EPHB1: variants seen among roughly 807,000 people sequenced by gnomAD.
The protein encoded by EPHB1 is EPH receptor B1.
In EPHB1, 30 loss-of-function variants were observed where a neutral mutation model predicts 94.4. The observed-to-expected ratio is 0.32, with a 90% confidence interval of 0.24 to 0.43. The LOEUF is 0.43. EPHB1 is among the 20% of genes least tolerant of loss of function. The pLI, the probability that EPHB1 is intolerant of heterozygous loss-of-function variation, is 1.00. For missense variants in EPHB1, 1,055 were observed against 1,308.3 expected, an observed-to-expected ratio of 0.81 and a Z score of 2.99; for synonymous variants, 522 against 489.1, an observed-to-expected ratio of 1.07 and a Z score of -0.89.
chr3:134,961,800 A>C (rs970567825), intron 3 of EPHB1, among the ~76,000 whole-genome samples: 1 of 152,178 alleles, frequency 6.6e-6, no homozygotes, highest in East Asian at 1.9e-4. Flanking sequence ...TTGGTCATTT[A>C]TATACATTTA....
chr3:134,958,292 T>C (rs1578230511), intron 3 of EPHB1, among the ~76,000 whole-genome samples: 1 of 152,224 alleles, frequency 6.6e-6, no homozygotes, highest in East Asian at 1.9e-4. Context: ...ATTTAGCTCT[T>C]CTTGGAAAAA....
chr3:135,124,317 C>T (rs751061073), intron 4 of EPHB1, among the ~76,000 whole-genome samples: 1 of 151,736 alleles, frequency 6.6e-6, no homozygotes, highest in Non-Finnish European at 1.5e-5. Flanking sequence ...CTCCCCTCCT[C>T]CTTCTCTGTG....
chr3:134,831,869 T>C (rs2036587603), intron 1 of EPHB1, among the ~76,000 whole-genome samples: 1 of 152,222 alleles, frequency 6.6e-6, no homozygotes, highest in South Asian at 2.1e-4. Flanking sequence ...CTGAACCTGT[T>C]TGGATATTTC....
At chr3:134,975,025 C>T (rs1263625050) in intron 3 of EPHB1, among the ~76,000 whole-genome samples, 1 of 152,184 alleles carries the variant, frequency 6.6e-6, no homozygotes, top group Non-Finnish European at 1.5e-5. Flanking sequence ...CTCCTTGCTT[C>T]TCTGACCTCC....
In EPHB1 at chr3:135,140,196, A is replaced by G. The variant is rs115304752; in HGVS notation, c.1297+7147A>G. On this transcript the variant is annotated intron_variant, in intron 5 of 15. Transcript: ENST00000398015. ...GAGGGGACACCAGTTGGATTATTAGATAGTTGCTGTTCACCTTGTGAGCTA... is the reference window on the plus strand; with the variant it reads ...GAGGGGACACCAGTTGGATTATTAGGTAGTTGCTGTTCACCTTGTGAGCTA... Among the ~76,000 whole-genome samples, 1,296 of 152,230 alleles carry G rather than the reference A, an allele frequency of 8.5e-3. 16 individuals are homozygous for G. Among genetic ancestry groups the G allele is most frequent in the African/African-American group, 0.029 (1,211 of 41,520 alleles).
At position 135,076,234 on chromosome 3, in the gene EPHB1, GAT is replaced by G. The variant is rs60727518; in HGVS notation, c.806-30188_806-30187del. On this transcript the variant is annotated intron_variant, in intron 3 of 15. Coordinates refer to ENST00000398015, the MANE Select transcript of EPHB1 (RefSeq NM_004441.5). ...TTTGTATATCATTTATCTGAAAAGGGATATATATATATATATATATATATATA... is the reference window on the plus strand; with the variant it reads ...TTTGTATATCATTTATCTGAAAAGGGATATATATATATATATATATATATA... 1.8e-3 allele frequency among the ~76,000 whole-genome samples: 232 copies of G among 131,170 alleles called. 1 individual carries two copies. Among genetic ancestry groups the G allele is most frequent in the South Asian group, 0.014 (60 of 4,226 alleles). 86.1% of individuals were successfully genotyped at this position (131,170 alleles called of 152,430 possible).
At chr3:134,998,493 A>G (rs891200185) in intron 3 of EPHB1, among the ~76,000 whole-genome samples, 2 of 152,202 alleles carry the variant, frequency 1.3e-5, no homozygotes, top group Admixed American at 6.5e-5. Context: ...ATGAGCATGT[A>G]CTAAGTCTGG....
At chr3:135,034,857 C>T (rs1936592957) in intron 3 of EPHB1, among the ~76,000 whole-genome samples, 1 of 152,154 alleles carries the variant, frequency 6.6e-6, no homozygotes, top group Admixed American at 6.5e-5. Flanking sequence ...GGTGTAGACC[C>T]TACAGGATAG....
At chr3:134,977,694 C>T (rs1414874116) in intron 3 of EPHB1, among the ~76,000 whole-genome samples, 1 of 152,138 alleles carries the variant, frequency 6.6e-6, no homozygotes, top group East Asian at 1.9e-4. Context: ...CCTCAACATC[C>T]TCCCCTCTGC....
At chr3:135,007,612 G>A (rs1935471854) in intron 3 of EPHB1, among the ~76,000 whole-genome samples, 1 of 152,164 alleles carries the variant, frequency 6.6e-6, no homozygotes, top group Non-Finnish European at 1.5e-5. Context: ...GGCAGGAAGT[G>A]CATATTCACC....
At chr3:135,247,469 C>CACTT (rs1216488397) in intron 13 of EPHB1, among the ~76,000 whole-genome samples, 2 of 152,108 alleles carry the variant, frequency 1.3e-5, no homozygotes, top group Non-Finnish European at 2.9e-5. Flanking sequence ...GCACTTGCGT[C>CACTT]ACTTACAATT....
intron 15 of EPHB1, among the ~76,000 whole-genome samples, chr3:135,255,355 G>T (rs1293467286): frequency 2.7e-5 from 4 of 150,588 alleles, no homozygotes; most frequent in Middle Eastern, 3.4e-3. Flanking sequence ...TGGGCATTTA[G>T]TGCTATAAAT....
intron 1 of EPHB1, among the ~76,000 whole-genome samples, chr3:134,880,993 C>T (rs1242638313): frequency 1.3e-5 from 2 of 152,142 alleles, no homozygotes; most frequent in Non-Finnish European, 2.9e-5. Flanking sequence ...ACTGGAGCGG[C>T]ACCATTTCCA....
At chr3:135,058,359 C>T (rs1937402213) in intron 3 of EPHB1, among the ~76,000 whole-genome samples, 1 of 152,210 alleles carries the variant, frequency 6.6e-6, no homozygotes, top group South Asian at 2.1e-4. Flanking sequence ...CCCACCTCTC[C>T]TCTCCTGTCC....
chr3:134,954,712 G>A (rs140891133), intron 3 of EPHB1, among the ~76,000 whole-genome samples: 309 of 152,278 alleles, frequency 2.0e-3, no homozygotes, highest in African/African-American at 6.7e-3. Flanking sequence ...TAATCTCTCC[G>A]CTTCTGGTTC....
At chr3:135,154,125 C>T (rs1941282312) in intron 5 of EPHB1, 27 bp from the exon 6 acceptor site, 2 of 1,613,552 alleles carry the variant, frequency 1.2e-6, no homozygotes, top group Non-Finnish European at 1.7e-6. Context: ...GTCTGTTCAG[C>T]TACCCTGTTT....
intron 3 of EPHB1, among the ~76,000 whole-genome samples, chr3:135,064,020 A>T (rs56005905): frequency 0.037 from 5,688 of 152,242 alleles, 158 homozygotes; most frequent in East Asian, 0.14. Context: ...ATGTTAAACC[A>T]TCCCTATGTC....
At chr3:135,085,009 A>C (rs1183493816) in intron 3 of EPHB1, among the ~76,000 whole-genome samples, 1 of 152,280 alleles carries the variant, frequency 6.6e-6, no homozygotes, top group Non-Finnish European at 1.5e-5. Flanking sequence ...CTTGCCCGCA[A>C]CCTCACAGGT....
chr3:134,846,404 T>TGCCTTTGCGATACCTTCCAA (rs2036872742), intron 1 of EPHB1, among the ~76,000 whole-genome samples: 1 of 152,212 alleles, frequency 6.6e-6, no homozygotes, highest in South Asian at 2.1e-4. Flanking sequence ...CCCATAATGC[T>TGCCTTTGCGATACCTTCCAA]GCCTTTGCGA....
Sources: gnomAD v4.1 joint callset for allele counts (sites outside exome capture counted in the v4.1 genomes callset) on GRCh38, gnomAD v4.1.1 for gene constraint, MANE v1.5 for transcripts, NCBI Gene and HGNC (gene_info 2026-07-23, HGNC 2026-07-21) for gene names.